Variants in TMEM131L observed in about 807,000 individuals in gnomAD.
The protein encoded by TMEM131L is transmembrane 131 like, also known as transmembrane protein 131-like.
Under a neutral mutation model 192.2 loss-of-function variants are expected in TMEM131L, and 54 were observed. The ratio of observed to expected loss-of-function variants is 0.28; its 90% CI spans 0.23 to 0.35. TMEM131L has a LOEUF of 0.35. TMEM131L is among the 10% of genes least tolerant of loss of function. The pLI is 1.00. For missense variants in TMEM131L, 1,888 were observed against 1,972.9 expected (o/e 0.96, Z 0.82); for synonymous variants, 701 against 704.9 (o/e 0.99, Z 0.09).
At chr4:153,480,404 C>T (rs1344621455) in intron 3 of TMEM131L, among the ~76,000 whole-genome samples, 1 of 150,924 alleles carries the variant, frequency 6.6e-6, no homozygotes, top group Non-Finnish European at 1.5e-5. Flanking sequence ...CCTGTAGTCC[C>T]AGCTACTCCA....
intron 3 of TMEM131L, among the ~76,000 whole-genome samples, chr4:153,480,163 C>A (rs1204356239): frequency 6.6e-6 from 1 of 152,196 alleles, no homozygotes; most frequent in East Asian, 1.9e-4. Context: ...CAGGGTGAAA[C>A]CCCGTCTCTA....
chr4:153,603,210 C>A (rs767243433), intron 23 of TMEM131L, 93 bp from the exon 24 acceptor site: 2 of 1,069,676 alleles, frequency 1.9e-6, no homozygotes, highest in Non-Finnish European at 2.6e-6. Context: ...AGATGTTTTT[C>A]GTAAATCATT....
At chr4:153,473,252 TA>T (rs1465593875) in intron 2 of TMEM131L, among the ~76,000 whole-genome samples, 20 of 152,220 alleles carry the variant, frequency 1.3e-4, no homozygotes, top group Admixed American at 3.3e-4. Flanking sequence ...ATAAGGGTGA[TA>T]AGGAGTGAAT....
At chr4:153,598,565 T>A in intron 20 of TMEM131L, 25 bp from the exon 21 acceptor site, 3 of 1,602,828 alleles carry the variant, frequency 1.9e-6, no homozygotes, top group Non-Finnish European at 2.6e-6. Flanking sequence ...TAATGCCTTT[T>A]TATATCTATT....
chr4:153,629,451 C>T (rs2083288), intron 31 of TMEM131L, among the ~76,000 whole-genome samples: 38,826 of 152,086 alleles, frequency 0.26, 5,213 homozygotes, highest in African/African-American at 0.34. Context: ...ATGGGTCATT[C>T]TCATCAGCAC....
chr4:153,612,004 G>A (rs1358683516), intron 25 of TMEM131L, among the ~76,000 whole-genome samples: 1 of 127,070 alleles, frequency 7.9e-6, no homozygotes, highest in Admixed American at 7.9e-5. Context: ...TAATGATGCT[G>A]TGAATATTGG....
chr4:153,501,202 G>GT (rs34750703), intron 3 of TMEM131L, among the ~76,000 whole-genome samples: 3,318 of 127,528 alleles, frequency 0.026, 102 homozygotes, highest in African/African-American at 0.064. Flanking sequence ...GGTTTTGCAA[G>GT]TTTTTTTTTT....
At chr4:153,575,244 A>G (rs953593275) in intron 7 of TMEM131L, among the ~76,000 whole-genome samples, 1 of 152,224 alleles carries the variant, frequency 6.6e-6, no homozygotes, top group African/African-American at 2.4e-5. Flanking sequence ...CCAGGGCACC[A>G]GCAATTCCTT....
intron 14 of TMEM131L, among the ~76,000 whole-genome samples, chr4:153,587,411 A>T (rs1311652890): frequency 6.6e-6 from 1 of 151,082 alleles, no homozygotes; most frequent in Non-Finnish European, 1.5e-5. Flanking sequence ...TTTTTTTTAC[A>T]GTTAGGGTCT....
chr4:153,627,754 T>TC, intron 31 of TMEM131L, 67 bp downstream of exon 31: 1 of 1,374,908 alleles, frequency 7.3e-7, no homozygotes, highest in Non-Finnish European at 1.0e-6. Context: ...TCCTGGCTGA[T>TC]GAGTTTGAGA....
At chr4:153,584,987 C>T in intron 12 of TMEM131L, 56 bp downstream of exon 12, 12 of 1,320,614 alleles carry the variant, frequency 9.1e-6, no homozygotes, top group Non-Finnish European at 1.3e-5. Context: ...TTGTTTTCCC[C>T]TCTAGAAATG....
rs898186604 is a variant in TMEM131L at position 153,467,276 on chromosome 4, A to G, written c.190A>G (p.Thr64Ala). Residue 64 changes from threonine to alanine, a missense_variant, in exon 2 of 35, where the codon ACT becomes GCT. Thr to Ala is a moderately conservative substitution (Grantham distance 58, BLOSUM62 0). Transcript: ENST00000409959. ...QAEEGELLLP[T>A]QGDSEEGLEE... ...AGAAGAAGGGGAACTCCTGCTGCCC[A>G]CTCAGGTGAGGACGACCAGGTGACA... is the stretch of plus-strand genomic sequence containing the variant. 2 of 1,551,472 alleles carry G rather than the reference A, an allele frequency of 1.3e-6. No individual in the cohort carries two copies. The highest frequency in any genetic ancestry group is 2.4e-5 in the East Asian group (1 of 40,910).
chr4:153,527,993 A>G (rs926273460), intron 3 of TMEM131L, among the ~76,000 whole-genome samples: 13 of 152,216 alleles, frequency 8.5e-5, no homozygotes, highest in Non-Finnish European at 5.9e-5. Flanking sequence ...TTGTGCAGCC[A>G]TACCATTAAC....
intron 3 of TMEM131L, among the ~76,000 whole-genome samples, chr4:153,547,629 C>G (rs370902333): frequency 1.3e-5 from 2 of 152,178 alleles, no homozygotes; most frequent in African/African-American, 4.8e-5. Context: ...AAGGTTAGGA[C>G]TTGAGAGAGG....
At position 153,512,074 on chromosome 4, in the gene TMEM131L, TG is replaced by T. The variant is rs1367144537; in HGVS notation, c.240-37998del. ...TGAGATCGAGGAGAAAGGGAAATGATGTACTGTTTCCAACTCTTTTGAAAGA... is the reference window on the plus strand; with the variant it reads ...TGAGATCGAGGAGAAAGGGAAATGATTACTGTTTCCAACTCTTTTGAAAGA... On this transcript the variant is annotated intron_variant, in intron 3 of 34. Transcript: ENST00000409959. Among the ~76,000 whole-genome samples the T allele has an allele frequency of 2.1e-4, 31 of 144,554 alleles. No individual in the cohort carries two copies. In the South Asian group the frequency reaches 4.2e-3, roughly 20 times the overall value. 94.8% of individuals were successfully genotyped at this position (144,554 alleles called of 152,430 possible). A position where few individuals can be genotyped will look rare whatever the true frequency, so the allele number is the denominator to read the frequency against.
intron 32 of TMEM131L, among the ~76,000 whole-genome samples, 182 bp downstream of exon 32, chr4:153,633,020 G>A (rs1339383079): frequency 1.4e-5 from 2 of 142,256 alleles, no homozygotes; most frequent in Admixed American, 6.9e-5. Context: ...GGCATTGAGA[G>A]AAACATGAAA....
intron 3 of TMEM131L, among the ~76,000 whole-genome samples, chr4:153,512,603 G>T (rs1053749061): frequency 3.9e-5 from 6 of 152,060 alleles, no homozygotes. Flanking sequence ...CTGACATCTA[G>T]ATGTCTTCTG....
At chr4:153,633,062 A>AT (rs1690255574) in intron 32 of TMEM131L, among the ~76,000 whole-genome samples, 1 of 151,962 alleles carries the variant, frequency 6.6e-6, no homozygotes, top group Non-Finnish European at 1.5e-5. Context: ...CAGTGTCGTT[A>AT]TTTTTTAAAA....
intron 3 of TMEM131L, among the ~76,000 whole-genome samples, chr4:153,499,491 A>G (rs1176576574): frequency 2.0e-5 from 3 of 151,258 alleles, no homozygotes; most frequent in African/African-American, 4.9e-5. Flanking sequence ...CAGTGGCACA[A>G]TCTCAGCTCA....
Sources: allele counts gnomAD v4.1 joint callset (sites outside exome capture counted in the v4.1 genomes callset), GRCh38; gene constraint gnomAD v4.1.1; transcripts MANE v1.5; gene names NCBI Gene and HGNC (gene_info 2026-07-23, HGNC 2026-07-21).